The following LRRC4C variants were observed in gnomAD, a reference collection of about 807,000 sequenced individuals.
LRRC4C encodes the protein leucine rich repeat containing 4C.
Under a neutral mutation model 33.6 loss-of-function variants are expected in LRRC4C, and 5 were observed. The ratio of observed to expected loss-of-function variants is 0.15; its 90% confidence interval spans 0.08 to 0.31. The LOEUF (loss-of-function observed/expected upper bound fraction) is 0.31, where lower values mean the gene tolerates loss of function less well. Among genes scored for constraint, LRRC4C ranks in the 10% least tolerant of loss-of-function variants. LRRC4C has a pLI of 1.00. For missense variants in LRRC4C, 560 were observed against 796.7 expected, an observed-to-expected ratio of 0.70 and a Z score of 3.58; for synonymous variants, 329 against 302.0, an observed-to-expected ratio of 1.09 and a Z score of -0.93.
At chr11:41,008,122 C>G (rs1225616614) in intron 1 of LRRC4C, among the ~76,000 whole-genome samples, 1 of 152,098 alleles carries the variant, frequency 6.6e-6, no homozygotes, top group Non-Finnish European at 1.5e-5. Flanking sequence ...AGTGTCTTTT[C>G]AGTAATCATA....
At chr11:41,157,787 G>A (rs1166767176) in intron 1 of LRRC4C, among the ~76,000 whole-genome samples, 1 of 152,002 alleles carries the variant, frequency 6.6e-6, no homozygotes, top group Admixed American at 6.6e-5. Context: ...TATAGTAGGT[G>A]TGTTTATTTA....
At chr11:40,331,616 G>A (rs749561745) in intron 3 of LRRC4C, among the ~76,000 whole-genome samples, 5 of 152,148 alleles carry the variant, frequency 3.3e-5, no homozygotes, top group Non-Finnish European at 4.4e-5. Flanking sequence ...CACCAGTGTG[G>A]GCAGGCATCA....
At position 41,385,161 on chromosome 11, in the gene LRRC4C, A is replaced by G. The variant is rs537092258; in HGVS notation, c.-496+74270T>C. Among the ~76,000 whole-genome samples, 153 of 151,344 alleles carry G rather than the reference A, an allele frequency of 1.0e-3. 1 individual carries two copies. The highest frequency in any genetic ancestry group is 3.2e-3 in the African/African-American group (134 of 41,454). ...AAGAGAAATAGTTAAATTAGTGTCA[A>G]TTGGGAGATTCTCTCGACCCTCTGT... On this transcript the variant is annotated intron_variant, in intron 1 of 6. Coordinates refer to ENST00000528697, the MANE Select transcript of LRRC4C (RefSeq NM_001258419.2).
At chr11:40,449,669 C>T (rs374389576) in intron 3 of LRRC4C, among the ~76,000 whole-genome samples, 1 of 152,144 alleles carries the variant, frequency 6.6e-6, no homozygotes, top group Admixed American at 6.5e-5. Context: ...ACGCATACCC[C>T]ACTCTAGGCA....
At chr11:40,524,984 A>T (rs1485986879) in intron 3 of LRRC4C, among the ~76,000 whole-genome samples, 1 of 152,174 alleles carries the variant, frequency 6.6e-6, no homozygotes. Flanking sequence ...AGGATATATA[A>T]TTTAGCTTAG....
At chr11:40,637,275 A>G (rs1941812017) in intron 3 of LRRC4C, among the ~76,000 whole-genome samples, 1 of 152,172 alleles carries the variant, frequency 6.6e-6, no homozygotes, top group Non-Finnish European at 1.5e-5. Flanking sequence ...TATGTGAAAT[A>G]ATTTGCCTAC....
intron 1 of LRRC4C, among the ~76,000 whole-genome samples, chr11:41,253,977 T>G (rs1948721283): frequency 6.6e-6 from 1 of 152,034 alleles, no homozygotes; most frequent in Non-Finnish European, 1.5e-5. Context: ...AACTCTTAAT[T>G]AACAGCTGAG....
intron 1 of LRRC4C, among the ~76,000 whole-genome samples, chr11:41,100,001 C>A (rs1192385816): frequency 6.6e-6 from 1 of 151,796 alleles, no homozygotes; most frequent in Non-Finnish European, 1.5e-5. Flanking sequence ...CTCGGGATAC[C>A]CCCTCCCAAA....
intron 2 of LRRC4C, among the ~76,000 whole-genome samples, chr11:40,746,157 C>G (rs1270522903): frequency 6.6e-6 from 1 of 152,124 alleles, no homozygotes; most frequent in South Asian, 2.1e-4. Context: ...GCGAGAGACC[C>G]TTAGTAGTCC....
At chr11:41,320,792 TC>T (rs1449165422) in intron 1 of LRRC4C, among the ~76,000 whole-genome samples, 40 of 152,272 alleles carry the variant, frequency 2.6e-4, no homozygotes, top group African/African-American at 9.1e-4. Flanking sequence ...GAGCTCACAC[TC>T]ATAGTGTGAG....
intron 1 of LRRC4C, among the ~76,000 whole-genome samples, chr11:41,348,693 A>G (rs1430478211): frequency 6.6e-6 from 1 of 152,028 alleles, no homozygotes; most frequent in Non-Finnish European, 1.5e-5. Flanking sequence ...CCTGAGCTAA[A>G]AGGGAAGAAA....
At chr11:41,330,822 C>A (rs7124587) in intron 1 of LRRC4C, among the ~76,000 whole-genome samples, 9,009 of 151,998 alleles carry the variant, frequency 0.059, 306 homozygotes, top group South Asian at 0.084. Flanking sequence ...TATATGTACA[C>A]TAGTCCCCAA....
At chr11:40,479,192 G>T (rs1316344144) in intron 3 of LRRC4C, among the ~76,000 whole-genome samples, 9 of 152,112 alleles carry the variant, frequency 5.9e-5, no homozygotes, top group Non-Finnish European at 2.9e-5. Context: ...AAACCACTCA[G>T]TGAGAGTATT....
chr11:41,151,354 G>A (rs1943990424), intron 1 of LRRC4C, among the ~76,000 whole-genome samples: 1 of 152,156 alleles, frequency 6.6e-6, no homozygotes, highest in Non-Finnish European at 1.5e-5. Context: ...TAGGTGGCAT[G>A]TGCAGCAGAT....
At chr11:41,376,957 T>C (rs748220673) in intron 1 of LRRC4C, among the ~76,000 whole-genome samples, 4 of 152,150 alleles carry the variant, frequency 2.6e-5, no homozygotes, top group Non-Finnish European at 4.4e-5. Context: ...AAAAATGTTA[T>C]GAAAGAGAAA....
At chr11:40,720,038 C>T (rs560446311) in intron 2 of LRRC4C, among the ~76,000 whole-genome samples, 56 of 152,224 alleles carry the variant, frequency 3.7e-4, no homozygotes, top group African/African-American at 1.3e-3. Context: ...TTCAGCCGTG[C>T]CCTTTATAGT....
At chr11:40,968,322 C>T (rs563481510) in intron 1 of LRRC4C, among the ~76,000 whole-genome samples, 1 of 152,176 alleles carries the variant, frequency 6.6e-6, no homozygotes, top group African/African-American at 2.4e-5. Flanking sequence ...GTGAAAGAAG[C>T]TATTTCTGTA....
chr11:41,167,770 C>G (rs553076428), intron 1 of LRRC4C, among the ~76,000 whole-genome samples: 1 of 152,292 alleles, frequency 6.6e-6, no homozygotes, highest in Admixed American at 6.5e-5. Flanking sequence ...ATGAGCCTCA[C>G]ACTCCCCAGT....
intron 2 of LRRC4C, among the ~76,000 whole-genome samples, chr11:40,762,740 T>G (rs1312396017): frequency 6.6e-6 from 1 of 152,170 alleles, no homozygotes; most frequent in African/African-American, 2.4e-5. Flanking sequence ...TCCCTATCTG[T>G]ATCCTAAAAT....
Sources: allele counts gnomAD v4.1 joint callset (sites outside exome capture counted in the v4.1 genomes callset), GRCh38; gene constraint gnomAD v4.1.1; transcripts MANE v1.5; gene names NCBI Gene and HGNC (gene_info 2026-07-23, HGNC 2026-07-21).